The following NAALADL2 variants were observed in gnomAD, a reference collection of about 807,000 sequenced individuals.
NAALADL2 encodes N-acetylated alpha-linked acidic dipeptidase like 2.
Under a neutral mutation model 87.2 loss-of-function variants are expected in NAALADL2, and 76 were observed. The observed-to-expected ratio is 0.87, with a 90% CI of 0.72 to 1.05. NAALADL2 has a LOEUF of 1.05. Ranked by LOEUF, NAALADL2 falls within the 50% of genes least tolerant of loss-of-function variation. NAALADL2 has a pLI of 0.00. For synonymous variants in NAALADL2, 354 were observed against 331.0 expected, an observed-to-expected ratio of 1.07 and a Z score of -0.75; for missense variants, 1,089 against 945.8, an observed-to-expected ratio of 1.15 and a Z score of -1.99.
rs562317646 is a variant in NAALADL2, at chr3:174,921,818, AAAAG to A, written c.43+62372_43+62375del. On this transcript the variant is annotated intron_variant, in intron 1 of 13. Transcript: ENST00000454872. ...AGACTCCGTCTCAAAAAAAAAAAAA[AAAAG>A]AAAAAGAAAAAGAAAAGAAAAAAAT... Among the ~76,000 whole-genome samples, 258 of 82,130 alleles carry A rather than the reference AAAAG, an allele frequency of 3.1e-3. 4 individuals carry two copies. Among genetic ancestry groups the A allele is most frequent in the African/African-American group, 0.014 (227 of 16,340 alleles). The allele number at this position is 82,130 out of a possible 152,430, so 53.9% of individuals were successfully genotyped here.
At chr3:175,656,625 C>A (rs1371683969) in intron 11 of NAALADL2, among the ~76,000 whole-genome samples, 2 of 151,994 alleles carry the variant, frequency 1.3e-5, no homozygotes, top group African/African-American at 4.8e-5. Context: ...ATCTAGAGAA[C>A]TACTAAGTGG....
chr3:175,654,174 G>T (rs182055325), intron 11 of NAALADL2, among the ~76,000 whole-genome samples: 19 of 152,140 alleles, frequency 1.2e-4, no homozygotes, highest in Admixed American at 5.2e-4. Context: ...TACAGTTAGC[G>T]TATCGTTTCT....
At chr3:175,254,015 C>T (rs1749508333) in intron 3 of NAALADL2, among the ~76,000 whole-genome samples, 1 of 151,964 alleles carries the variant, frequency 6.6e-6, no homozygotes, top group African/African-American at 2.4e-5. Context: ...GAAATGACAA[C>T]AAAGGATTTA....
At chr3:175,801,850 G>A (rs1754192476) in intron 13 of NAALADL2, among the ~76,000 whole-genome samples, 1 of 152,088 alleles carries the variant, frequency 6.6e-6, no homozygotes, top group African/African-American at 2.4e-5. Flanking sequence ...AAAGGGGACT[G>A]TTTTAGACTT....
At chr3:175,063,705 A>G (rs1713999878) in intron 1 of NAALADL2, among the ~76,000 whole-genome samples, 1 of 151,134 alleles carries the variant, frequency 6.6e-6, no homozygotes, top group Non-Finnish European at 1.5e-5. Context: ...CTAGTCTCAA[A>G]CTCTTAGGCT....
chr3:175,748,056 A>C (rs192196738), intron 12 of NAALADL2, among the ~76,000 whole-genome samples: 1 of 152,146 alleles, frequency 6.6e-6, no homozygotes, highest in Non-Finnish European at 1.5e-5. Context: ...CTATCACTTC[A>C]GTATCTTTTG....
At chr3:174,554,429 TC>T in intron 2 of NAALADL2, among the ~76,000 whole-genome samples, 1 of 152,146 alleles carries the variant, frequency 6.6e-6, no homozygotes. Context: ...TTTCTCTTTT[TC>T]TTCCCTTCCC....
At chr3:174,988,890 T>A (rs1256586116) in intron 1 of NAALADL2, among the ~76,000 whole-genome samples, 1 of 152,180 alleles carries the variant, frequency 6.6e-6, no homozygotes, top group Non-Finnish European at 1.5e-5. Flanking sequence ...TACCTGAGGC[T>A]GGGTAATTTA....
chr3:175,517,881 C>A (rs1357436142), intron 9 of NAALADL2, among the ~76,000 whole-genome samples: 1 of 152,114 alleles, frequency 6.6e-6, no homozygotes, highest in Non-Finnish European at 1.5e-5. Context: ...ATAGGGATCG[C>A]AGATTGGTTG....
At chr3:174,567,206 A>C (rs1341742799) in intron 2 of NAALADL2, among the ~76,000 whole-genome samples, 1 of 151,634 alleles carries the variant, frequency 6.6e-6, no homozygotes. Context: ...ATGTTATTAA[A>C]ATTTTTATTA....
intron 1 of NAALADL2, among the ~76,000 whole-genome samples, chr3:174,921,912 C>A (rs1040248851): frequency 2.0e-5 from 3 of 151,384 alleles, no homozygotes; most frequent in African/African-American, 7.3e-5. Context: ...AGAATGTTTG[C>A]ACATAGATTG....
chr3:175,450,449 C>G (rs1255305837), intron 6 of NAALADL2, among the ~76,000 whole-genome samples: 1 of 151,920 alleles, frequency 6.6e-6, no homozygotes, highest in Non-Finnish European at 1.5e-5. Context: ...TGTGAGAATC[C>G]ACTAATTATT....
intron 9 of NAALADL2, among the ~76,000 whole-genome samples, chr3:175,517,446 A>T (rs1732006632): frequency 6.6e-6 from 1 of 152,206 alleles, no homozygotes; most frequent in African/African-American, 2.4e-5. Context: ...CTGATATACA[A>T]GAATATTACA....
intron 10 of NAALADL2, among the ~76,000 whole-genome samples, chr3:175,589,196 T>C (rs1437080714): frequency 1.3e-5 from 2 of 152,208 alleles, no homozygotes; most frequent in Non-Finnish European, 2.9e-5. Flanking sequence ...CTGGTAGCCA[T>C]AGTACTTTAG....
chr3:175,022,889 C>A (rs1399555874), intron 1 of NAALADL2, among the ~76,000 whole-genome samples: 1 of 152,070 alleles, frequency 6.6e-6, no homozygotes, highest in African/African-American at 2.4e-5. Context: ...AACACTGTAC[C>A]AGACCCTGGG....
chr3:175,236,548 C>CAAAAAAAAAAA, intron 3 of NAALADL2, among the ~76,000 whole-genome samples: 1 of 98,954 alleles, frequency 1.0e-5, no homozygotes, highest in Non-Finnish European at 1.9e-5. Context: ...AACTCCTTCT[C>CAAAAAAAAAAA]AAAAAAAAAA....
At chr3:175,102,941 C>G (rs1722469309) in intron 2 of NAALADL2, among the ~76,000 whole-genome samples, 1 of 151,920 alleles carries the variant, frequency 6.6e-6, no homozygotes, top group Non-Finnish European at 1.5e-5. Context: ...AACCCGGTCT[C>G]TATTAAAAAA....
chr3:175,553,651 TAA>T (rs5854639), intron 9 of NAALADL2, among the ~76,000 whole-genome samples: 23,173 of 148,454 alleles, frequency 0.16, 2,058 homozygotes, highest in Middle Eastern at 0.23. Context: ...GGAGAAATAT[TAA>T]AAAAAAAAAA....
intron 2 of NAALADL2, among the ~76,000 whole-genome samples, chr3:175,143,216 T>C (rs902736802): frequency 1.3e-5 from 2 of 151,912 alleles, no homozygotes; most frequent in African/African-American, 2.4e-5. Context: ...ATGCATAGTA[T>C]CTAATAGTGT....
Sources: allele counts gnomAD v4.1 joint callset (sites outside exome capture counted in the v4.1 genomes callset), GRCh38; gene constraint gnomAD v4.1.1; transcripts MANE v1.5; gene names NCBI Gene and HGNC (gene_info 2026-07-23, HGNC 2026-07-21).